PI4KB: variants seen among roughly 807,000 people sequenced by gnomAD.
PI4KB encodes phosphatidylinositol 4-kinase beta.
In PI4KB, 23 loss-of-function variants were observed where a neutral mutation model predicts 81.4. That is an observed-to-expected ratio of 0.28 (90% CI 0.20 to 0.40). The LOEUF is 0.40. PI4KB is among the 10% of genes least tolerant of loss of function. The probability of loss-of-function intolerance (pLI) is 1.00; values close to 1 mark genes in which losing one functional copy is unlikely to be tolerated. For synonymous variants in PI4KB, 381 were observed against 406.8 expected, an observed-to-expected ratio of 0.94 and a Z score of 0.76; for missense variants, 651 against 1,036.6, an observed-to-expected ratio of 0.63 and a Z score of 5.11.
intron 11 of PI4KB, 107 bp from the exon 12 acceptor site, chr1:151,293,140 C>T: frequency 1.3e-6 from 2 of 1,525,514 alleles, no homozygotes; most frequent in Non-Finnish European, 8.8e-7. Context: ...TTTCCTCCCA[C>T]CTCAGGTCCT....
intron 5 of PI4KB, among the ~76,000 whole-genome samples, chr1:151,304,561 T>A (rs999105714): frequency 3.9e-5 from 6 of 151,998 alleles, no homozygotes; most frequent in African/African-American, 1.5e-4. Context: ...GTCAGGCTGT[T>A]CTTGAACTCC....
chr1:151,303,528 G>T lies in PI4KB; in HGVS notation c.1520+13C>A. Reference sequence around the variant, plus strand: ...AGGGATGAAAAATGAGGGGCAATGTGATCTGGCCATACCGGATGTCCCCTG... The same window carrying T: ...AGGGATGAAAAATGAGGGGCAATGTTATCTGGCCATACCGGATGTCCCCTG... On this transcript the variant is annotated intron_variant, in intron 6 of 11. Transcript: ENST00000368873. 2 of 1,515,594 alleles carry T rather than the reference G, an allele frequency of 1.3e-6. No individual in the cohort carries two copies. The highest frequency in any genetic ancestry group is 1.1e-5 in the South Asian group (1 of 89,130). 93.9% of individuals were successfully genotyped at this position (1,515,594 alleles called of 1,614,324 possible). A position where few individuals can be genotyped will look rare whatever the true frequency, so the allele number is the denominator to read the frequency against.
At chr1:151,295,256 T>C (rs1694687667) in intron 9 of PI4KB, among the ~76,000 whole-genome samples, 1 of 152,214 alleles carries the variant, frequency 6.6e-6, no homozygotes, top group African/African-American at 2.4e-5. Context: ...TCAGCATAAC[T>C]GGCCTACTCA....
chr1:151,318,528 C>T (rs970818842), intron 1 of PI4KB, among the ~76,000 whole-genome samples: 39 of 151,568 alleles, frequency 2.6e-4, no homozygotes, highest in Admixed American at 3.9e-4. Context: ...GCCTGACCAA[C>T]ATGGAGAAAC....
intron 11 of PI4KB, chr1:151,293,563 C>T: frequency 2.5e-6 from 1 of 403,440 alleles, no homozygotes; most frequent in East Asian, 1.2e-4. Flanking sequence ...AGAAGGGGGT[C>T]CTGGGCAAAA....
rs113301466 is a variant in PI4KB, at chr1:151,316,260, T to G, written c.222A>C (p.Pro74=). 3 of 1,614,182 alleles carry G rather than the reference T, an allele frequency of 1.9e-6. No homozygotes were observed. Among genetic ancestry groups the G allele is most frequent in the Admixed American group, 1.7e-5 (1 of 60,026 alleles). ...GGVAVSSRGT[P]LELVNGDGVD... ...CACCATCCCCATTGACCAACTCCAG[T>G]GGGGTGCCTCTGCTAGAGACTGCCA... Residue 74 remains proline (P), a synonymous_variant, in exon 2 of 12, where the codon CCA becomes CCC. Transcript: ENST00000368873.
At chr1:151,303,289 A>G (rs1055782625) in intron 6 of PI4KB, 31 of 405,426 alleles carry the variant, frequency 7.6e-5, no homozygotes, top group African/African-American at 5.5e-4. Flanking sequence ...GTGAGCCACT[A>G]TGCCCGGCCC....
Position 151,316,385 on chromosome 1 carries a change from T to C in PI4KB, c.97A>G (p.Ile33Val), listed in dbSNP as rs375599986. ...GNNGGSLLSV[I>V]TEGVGELSVI... is the part of the protein sequence containing the mutation. ...GATAGTTCCCCGACCCCCTCCGTGA[T>C]GACACTTAGCAGGGACCCCCCATTA... The change falls in exon 2 of 12, where the codon ATC becomes GTC. Residue 33 changes from isoleucine (I) to valine (V), a missense_variant. Transcript: ENST00000368873. The C allele has an allele frequency of 9.3e-6, 15 of 1,606,038 alleles. No homozygotes were observed. Among genetic ancestry groups the C allele is most frequent in the African/African-American group, 2.7e-5 (2 of 74,818 alleles).
intron 1 of PI4KB, among the ~76,000 whole-genome samples, chr1:151,324,087 A>C (rs902516549): frequency 6.6e-6 from 1 of 151,986 alleles, no homozygotes; most frequent in Admixed American, 6.6e-5. Context: ...AGTAGCTGGA[A>C]TTACAGGCAC....
chr1:151,293,842 C>T (rs1694546519), intron 11 of PI4KB, 176 bp downstream of exon 11: 2 of 652,548 alleles, frequency 3.1e-6, no homozygotes. Flanking sequence ...TTAGCCTTAC[C>T]AGGGTCAGGA....
In PI4KB at chr1:151,306,194, T is replaced by C; in HGVS notation, c.1352A>G (p.Asn451Ser). ...QRAGSFSTVP[N>S]YDNDDEAWSV... ...CCAGGCCTCATCATCGTTGTCATAG[T>C]TGGGCACAGTGCTGAAGCTGCCAGC... The change falls in exon 5 of 12, where the codon AAC becomes AGC. Residue 451 changes from asparagine (N) to serine (S), a missense_variant. Asn to Ser is a conservative substitution (Grantham distance 46, BLOSUM62 1). Coordinates refer to ENST00000368873, the MANE Select transcript of PI4KB (RefSeq NM_001369623.2). 6.2e-7 allele frequency: 1 copy of C among 1,614,180 alleles called. No homozygotes were observed. The highest frequency in any genetic ancestry group is 8.5e-7 in the Non-Finnish European group (1 of 1,180,036).
chr1:151,316,645 C>T, intron 1 of PI4KB, 136 bp from the exon 2 acceptor site: 1 of 553,344 alleles, frequency 1.8e-6, no homozygotes, highest in Non-Finnish European at 3.1e-6. Context: ...TGGACTCCTT[C>T]AAAATCAGAT....
rs1422145373 is a variant in PI4KB, at chr1:151,294,078, G to A, written c.2209C>T (p.Leu737=). ...TCCATGTGTTTCCGAGCGGCAATCA[G>A]CCCTTGCAGCATCAGCATCTTATAG... The part of the protein sequence containing the change: ...NYYKMLMLQG[L]IAARKHMDKV... Residue 737 remains leucine, a synonymous_variant, in exon 11 of 12, where the codon CTG becomes TTG. Transcript: ENST00000368873. 2.5e-6 allele frequency: 4 copies of A among 1,613,946 alleles called. No homozygotes were observed. In the African/African-American group the frequency reaches 5.3e-5, roughly 22 times the overall value.
At chr1:151,307,180 C>T (rs761592095) in intron 4 of PI4KB, among the ~76,000 whole-genome samples, 5 of 152,158 alleles carry the variant, frequency 3.3e-5, no homozygotes, top group Non-Finnish European at 5.9e-5. Flanking sequence ...CTTTTGTCGG[C>T]TCATTCTGAT....
upstream of PI4KB, chr1:151,327,691 T>C (rs534171657): frequency 7.1e-4 from 210 of 296,310 alleles, no homozygotes; most frequent in Non-Finnish European, 1.2e-3. Flanking sequence ...AACATGCCTG[T>C]TCAGAAATAG....
chr1:151,294,216 A>T, intron 10 of PI4KB, 78 bp from the exon 11 acceptor site: 5 of 1,542,140 alleles, frequency 3.2e-6, no homozygotes, highest in Non-Finnish European at 4.4e-6. Flanking sequence ...GCCTACCAGA[A>T]CTCCTCCTCC....
At position 151,306,161 on chromosome 1, in the gene PI4KB, T is replaced by C. The variant is rs1307623212; in HGVS notation, c.1385A>G (p.Asp462Gly). The C allele has an allele frequency of 6.2e-7, 1 of 1,614,134 alleles. No homozygotes were observed. The change falls in exon 5 of 12, where the codon GAT becomes GGT. Residue 462 changes from aspartate to glycine, a missense_variant. Physicochemically the swap from Asp to Gly is moderately conservative, Grantham distance 94 (BLOSUM62 -1). This residue lies in a region of PI4KB where 246 missense variants were observed against 430.1 expected (regional missense o/e 0.57). Transcript: ENST00000368873. ...YDNDDEAWSV[D>G]DIGELQVELP... Reference sequence around the variant, plus strand: ...CTCCACTTGCAGCTCGCCTATGTCATCCACCGACCAGGCCTCATCATCGTT... The same window carrying C: ...CTCCACTTGCAGCTCGCCTATGTCACCCACCGACCAGGCCTCATCATCGTT...
Position 151,309,380 on chromosome 1 carries a change from AAG to A in PI4KB, c.954+829_954+830del, listed in dbSNP as rs587661947. Among the ~76,000 whole-genome samples the A allele has an allele frequency of 2.3e-4, 35 of 152,296 alleles. No homozygotes were observed. The South Asian group carries it at 6.6e-3, about 29-fold the overall frequency. ...TGTTAGAAATGTGACCCCAGGCCTC[AAG>A]AGAGAGGCTCTGCCACATGAGAGGA... On this transcript the variant is annotated intron_variant, in intron 3 of 11. Transcript: ENST00000368873.
intron 4 of PI4KB, among the ~76,000 whole-genome samples, chr1:151,307,061 T>C (rs12124363): frequency 1.3e-5 from 2 of 151,670 alleles, no homozygotes; most frequent in African/African-American, 4.8e-5. Context: ...CGCAATAGAG[T>C]GAGACTCCAT....
Sources: gnomAD v4.1 joint callset for allele counts (sites outside exome capture counted in the v4.1 genomes callset) on GRCh38, gnomAD v4.1.1 for gene constraint, gnomAD v4.1.1 regional missense constraint, MANE v1.5 for transcripts, NCBI Gene and HGNC (gene_info 2026-07-23, HGNC 2026-07-21) for gene names.